Variants in EZH2 observed in about 807,000 individuals in gnomAD.
EZH2 encodes histone-lysine N-methyltransferase EZH2.
In EZH2, 18 loss-of-function variants were observed where a neutral mutation model predicts 98.4. The observed-to-expected ratio is 0.18, with a 90% CI of 0.13 to 0.27. EZH2 has a LOEUF of 0.27. EZH2 is among the 10% of genes least tolerant of loss of function. The pLI is 1.00. For missense variants in EZH2, 470 were observed against 935.1 expected (o/e 0.50, Z 6.49); for synonymous variants, 338 against 312.3 (o/e 1.08, Z -0.87).
At chr7:148,867,081 C>A (rs1475060201) in intron 1 of EZH2, among the ~76,000 whole-genome samples, 1 of 150,414 alleles carries the variant, frequency 6.6e-6, no homozygotes, top group East Asian at 2.1e-4. Flanking sequence ...AATCCCAGCA[C>A]TTTGGGAAGC....
At chr7:148,864,405 G>A (rs1340532916) in intron 1 of EZH2, among the ~76,000 whole-genome samples, 1 of 152,184 alleles carries the variant, frequency 6.6e-6, no homozygotes. Context: ...GTTTTCAGCT[G>A]GGGGCCATGG....
intron 1 of EZH2, among the ~76,000 whole-genome samples, chr7:148,860,538 AAAGT>A (rs113954424): frequency 0.032 from 4,934 of 152,266 alleles, 264 homozygotes; most frequent in African/African-American, 0.11. Context: ...ACGGTAATTC[AAAGT>A]AAGTAAGAAC....
intron 8 of EZH2, among the ~76,000 whole-genome samples, chr7:148,825,952 T>G (rs951392445): frequency 2.0e-5 from 3 of 152,162 alleles, no homozygotes; most frequent in Non-Finnish European, 4.4e-5. Context: ...CATACTTACA[T>G]TTTCACTAAG....
At chr7:148,816,049 C>G (rs970868166) in intron 12 of EZH2, among the ~76,000 whole-genome samples, 1 of 152,180 alleles carries the variant, frequency 6.6e-6, no homozygotes, top group South Asian at 2.1e-4. Context: ...GTAACATGAG[C>G]CTGTACACAA....
At chr7:148,848,930 T>C (rs1677995737) in intron 1 of EZH2, among the ~76,000 whole-genome samples, 1 of 152,128 alleles carries the variant, frequency 6.6e-6, no homozygotes, top group African/African-American at 2.4e-5. Context: ...ATATACTTTT[T>C]TTTTTTACCT....
chr7:148,825,669 T>A lies in EZH2; in HGVS notation c.907+785A>T, dbSNP rs187640976. 1.7e-4 allele frequency among the ~76,000 whole-genome samples: 26 copies of A among 152,184 alleles called. No homozygotes were observed. The East Asian group carries it at 4.6e-3, about 27-fold the overall frequency. ...AACAAAGCAATGTGGGGCCGTTGAG[T>A]ACAGGGGAAAACGATTTTACAATGG... On this transcript the variant is annotated intron_variant, in intron 8 of 19. Coordinates refer to ENST00000320356, the MANE Select transcript of EZH2 (RefSeq NM_004456.5).
intron 4 of EZH2, among the ~76,000 whole-genome samples, chr7:148,830,477 T>A (rs993219603): frequency 6.6e-6 from 1 of 152,190 alleles, no homozygotes; most frequent in Non-Finnish European, 1.5e-5. Flanking sequence ...AGCCATTAAC[T>A]TGTAATAGTT....
chr7:148,876,876 C>T (rs981396591), intron 1 of EZH2, among the ~76,000 whole-genome samples: 9 of 152,068 alleles, frequency 5.9e-5, no homozygotes, highest in African/African-American at 2.2e-4. Flanking sequence ...AGCTCACAGG[C>T]CTTACCAAAA....
chr7:148,863,449 G>C (rs923120451), intron 1 of EZH2, among the ~76,000 whole-genome samples: 1 of 151,916 alleles, frequency 6.6e-6, no homozygotes, highest in African/African-American at 2.4e-5. Context: ...ACTAAAATTC[G>C]TTTAAACAAA....
intron 1 of EZH2, among the ~76,000 whole-genome samples, chr7:148,879,539 A>C (rs1820659378): frequency 6.6e-6 from 1 of 151,998 alleles, no homozygotes; most frequent in African/African-American, 2.4e-5. Context: ...AAAAATACAA[A>C]AATTAGCCAG....
At chr7:148,876,090 G>A (rs1424554659) in intron 1 of EZH2, 1 of 152,190 alleles carries the variant, frequency 6.6e-6, no homozygotes, top group Admixed American at 6.6e-5. Context: ...ATTGAGCCCA[G>A]GAGGTCAAGG....
chr7:148,853,653 A>T (rs73158273), intron 1 of EZH2, among the ~76,000 whole-genome samples: 2,366 of 152,300 alleles, frequency 0.016, 25 homozygotes, highest in Non-Finnish European at 0.024. Flanking sequence ...TACCTAATAC[A>T]ATGTAAATAT....
At chr7:148,847,440 G>T in intron 1 of EZH2, 135 bp from the exon 2 acceptor site, 1 of 1,025,274 alleles carries the variant, frequency 9.8e-7, no homozygotes, top group Non-Finnish European at 1.4e-6. Flanking sequence ...ACAGAAAGGT[G>T]CTCATTTGTG....
In EZH2 at chr7:148,843,583, G is replaced by GTTTT. The variant is rs1157236882; in HGVS notation, c.246+2883_246+2886dup. On this transcript the variant is annotated intron_variant, in intron 3 of 19. Coordinates refer to ENST00000320356, the MANE Select transcript of EZH2 (RefSeq NM_004456.5). ...TCTACAACTACAAATGGGAGTATAA[G>GTTTT]TTTTTTTTTTTTTTTTTTTTTTTTT... Among the ~76,000 whole-genome samples, 55 of 64,338 alleles carry GTTTT rather than the reference G, an allele frequency of 8.5e-4. 5 individuals carry two copies. Among genetic ancestry groups the GTTTT allele is most frequent in the African/African-American group, 2.6e-3 (37 of 14,190 alleles). 42.2% of individuals were successfully genotyped at this position (64,338 alleles called of 152,430 possible).
chr7:148,872,662 A>G (rs192306164), intron 1 of EZH2, among the ~76,000 whole-genome samples: 11 of 152,310 alleles, frequency 7.2e-5, no homozygotes, highest in Non-Finnish European at 1.5e-4. Context: ...TGACATCAAA[A>G]AATACAAAAG....
intron 1 of EZH2, among the ~76,000 whole-genome samples, chr7:148,847,633 T>C (rs1814504499): frequency 6.6e-6 from 1 of 152,188 alleles, no homozygotes; most frequent in Non-Finnish European, 1.5e-5. Flanking sequence ...TCCACATTTG[T>C]GGAGGGAAGA....
intron 1 of EZH2, among the ~76,000 whole-genome samples, chr7:148,855,239 G>A (rs1783949429): frequency 6.6e-6 from 1 of 152,248 alleles, no homozygotes; most frequent in African/African-American, 2.4e-5. Flanking sequence ...GATTAATAAT[G>A]CCTGTTACAC....
intron 1 of EZH2, among the ~76,000 whole-genome samples, chr7:148,863,493 A>G (rs963066092): frequency 5.3e-5 from 8 of 152,088 alleles, no homozygotes; most frequent in Non-Finnish European, 7.4e-5. Context: ...CTCCTTCACC[A>G]CTGTAAGATA....
intron 1 of EZH2, among the ~76,000 whole-genome samples, chr7:148,860,485 G>A (rs979647810): frequency 1.3e-5 from 2 of 152,072 alleles, no homozygotes; most frequent in Non-Finnish European, 2.9e-5. Flanking sequence ...CTTCATTGAG[G>A]TTAATTATTC....
Sources: allele counts gnomAD v4.1 joint callset (sites outside exome capture counted in the v4.1 genomes callset), GRCh38; gene constraint gnomAD v4.1.1; transcripts MANE v1.5; gene names NCBI Gene and HGNC (gene_info 2026-07-23, HGNC 2026-07-21).